The following PPP1R16B variants were observed in gnomAD, a reference collection of about 807,000 sequenced individuals.
PPP1R16B encodes the protein protein phosphatase 1 regulatory inhibitor subunit 16B.
Under a neutral mutation model 61.7 loss-of-function variants are expected in PPP1R16B, and 14 were observed. The ratio of observed to expected loss-of-function variants is 0.23; its 90% CI spans 0.15 to 0.35. The LOEUF is 0.35. PPP1R16B is among the 10% of genes least tolerant of loss of function. The probability of loss-of-function intolerance (pLI) is 1.00; values close to 1 mark genes in which losing one functional copy is unlikely to be tolerated. For synonymous variants in PPP1R16B, 266 were observed against 305.3 expected (o/e 0.87, Z 1.34); for missense variants, 547 against 752.5 (o/e 0.73, Z 3.19).
intron 2 of PPP1R16B, among the ~76,000 whole-genome samples, chr20:38,845,295 T>C (rs900085615): frequency 6.6e-6 from 1 of 151,786 alleles, no homozygotes. Context: ...AAAAACAACT[T>C]TTAGGGCCAA....
At chr20:38,833,246 GA>G in intron 1 of PPP1R16B, among the ~76,000 whole-genome samples, 1 of 152,308 alleles carries the variant, frequency 6.6e-6, no homozygotes, top group Non-Finnish European at 1.5e-5. Context: ...AACATCTTTT[GA>G]AATGACAAAA....
At chr20:38,912,989 C>T (rs1482149546) in intron 10 of PPP1R16B, among the ~76,000 whole-genome samples, 3 of 152,132 alleles carry the variant, frequency 2.0e-5, no homozygotes, top group African/African-American at 7.2e-5. Context: ...CCCACCTCAG[C>T]CTCCTGATTA....
intron 2 of PPP1R16B, among the ~76,000 whole-genome samples, chr20:38,867,154 A>T (rs1263958441): frequency 6.6e-6 from 1 of 152,158 alleles, no homozygotes; most frequent in Non-Finnish European, 1.5e-5. Context: ...AACCACACAC[A>T]CCCAGGCTGG....
intron 4 of PPP1R16B, among the ~76,000 whole-genome samples, chr20:38,896,130 TCCTCCCTCCTTTCCTTCTTTCTTCCTC>T (rs2085344925): frequency 1.3e-5 from 1 of 76,096 alleles, no homozygotes; most frequent in African/African-American, 5.9e-5. Context: ...TTTCTTCCCT[TCCTCCCTCCTTTCCTTCTTTCTTCCTC>T]CCTCCCTTCC....
At chr20:38,905,246 C>T (rs2085430649) in intron 6 of PPP1R16B, among the ~76,000 whole-genome samples, 1 of 152,142 alleles carries the variant, frequency 6.6e-6, no homozygotes. Context: ...GATATTGCAA[C>T]CAAGATGTTG....
intron 2 of PPP1R16B, among the ~76,000 whole-genome samples, chr20:38,841,614 T>C (rs377259694): frequency 2.6e-5 from 4 of 152,218 alleles, no homozygotes; most frequent in African/African-American, 9.6e-5. Flanking sequence ...CCCAGGCAAC[T>C]ATAATCTACT....
intron 2 of PPP1R16B, among the ~76,000 whole-genome samples, chr20:38,858,643 A>G (rs2085025336): frequency 6.6e-6 from 1 of 152,048 alleles, no homozygotes; most frequent in African/African-American, 2.4e-5. Context: ...GGAAGGGGAT[A>G]TGATTCAGAC....
intron 2 of PPP1R16B, among the ~76,000 whole-genome samples, chr20:38,877,309 T>TA (rs1038824221): frequency 2.0e-5 from 3 of 151,828 alleles, no homozygotes; most frequent in Non-Finnish European, 4.4e-5. Context: ...ACTTATATAC[T>TA]AACTTTTTTT....
chr20:38,817,845 C>T (rs980636248), intron 1 of PPP1R16B, among the ~76,000 whole-genome samples: 1 of 152,112 alleles, frequency 6.6e-6, no homozygotes, highest in South Asian at 2.1e-4. Flanking sequence ...GAGATCGAGA[C>T]CATCCTGGCT....
intron 2 of PPP1R16B, among the ~76,000 whole-genome samples, chr20:38,880,416 C>T (rs2085196300): frequency 6.6e-6 from 1 of 152,216 alleles, no homozygotes; most frequent in African/African-American, 2.4e-5. Flanking sequence ...CTTGTAATCC[C>T]AGCCCTTTGG....
At chr20:38,897,455 A>T (rs1199580276) in intron 4 of PPP1R16B, among the ~76,000 whole-genome samples, 1 of 152,214 alleles carries the variant, frequency 6.6e-6, no homozygotes, top group Admixed American at 6.5e-5. Context: ...TTAAGGCTGA[A>T]TGTACTCCAT....
At chr20:38,856,313 G>C (rs1219629849) in intron 2 of PPP1R16B, among the ~76,000 whole-genome samples, 1 of 152,072 alleles carries the variant, frequency 6.6e-6, no homozygotes, top group Non-Finnish European at 1.5e-5. Flanking sequence ...CCCCAGACCT[G>C]GGGTAGAGGC....
chr20:38,895,950 TCCC>T (rs1190210531), intron 4 of PPP1R16B, among the ~76,000 whole-genome samples: 7 of 94,822 alleles, frequency 7.4e-5, no homozygotes, highest in African/African-American at 2.8e-4. Context: ...CTTCCCTCCC[TCCC>T]TCCTTTCTTC....
intron 2 of PPP1R16B, among the ~76,000 whole-genome samples, chr20:38,861,877 A>G (rs972673070): frequency 6.6e-6 from 1 of 151,524 alleles, no homozygotes; most frequent in African/African-American, 2.4e-5. Flanking sequence ...GGGTTTCACC[A>G]TCTCGGCCAG....
At position 38,862,812 on chromosome 20, in the gene PPP1R16B, A is replaced by C. The variant is rs114747141; in HGVS notation, c.250+26637A>C. ...GGGTTCCTTCCCTGCTCTCCTGCCC[A>C]CTCCAGATTCCATCAGTTATGGCCT... On this transcript the variant is annotated intron_variant, in intron 2 of 10. Transcript: ENST00000299824. 2.3e-3 allele frequency among the ~76,000 whole-genome samples: 344 copies of C among 152,096 alleles called. 4 individuals carry two copies. The highest frequency in any genetic ancestry group is 8.1e-3 in the African/African-American group (334 of 41,486).
At chr20:38,849,493 T>G (rs1392036732) in intron 2 of PPP1R16B, among the ~76,000 whole-genome samples, 2 of 152,112 alleles carry the variant, frequency 1.3e-5, no homozygotes, top group Non-Finnish European at 2.9e-5. Context: ...CACTCTGGAG[T>G]GAATGGAACT....
chr20:38,822,290 G>A (rs2084777983), intron 1 of PPP1R16B, among the ~76,000 whole-genome samples: 1 of 151,608 alleles, frequency 6.6e-6, no homozygotes, highest in Non-Finnish European at 1.5e-5. Context: ...TCCAGCTGTG[G>A]TTACCTGAAC....
At chr20:38,821,965 G>T (rs1040616647) in intron 1 of PPP1R16B, among the ~76,000 whole-genome samples, 5 of 134,378 alleles carry the variant, frequency 3.7e-5, no homozygotes, top group Admixed American at 2.5e-4. Flanking sequence ...AAGAGACTCT[G>T]AATTCTATTC....
At chr20:38,880,543 C>T (rs1194123965) in intron 2 of PPP1R16B, among the ~76,000 whole-genome samples, 5 of 152,116 alleles carry the variant, frequency 3.3e-5, no homozygotes, top group Admixed American at 2.0e-4. Flanking sequence ...GTGGTGCGCA[C>T]CTGTACTCCC....
Sources: gnomAD v4.1 joint callset for allele counts (sites outside exome capture counted in the v4.1 genomes callset) on GRCh38, gnomAD v4.1.1 for gene constraint, MANE v1.5 for transcripts, NCBI Gene and HGNC (gene_info 2026-07-23, HGNC 2026-07-21) for gene names.